The following PHF14 variants were observed in gnomAD, a reference collection of about 807,000 sequenced individuals.
The protein encoded by PHF14 is PHD finger protein 14.
PHF14 carries 55 observed loss-of-function variants against 117.9 expected under a neutral mutation model. The ratio of observed to expected loss-of-function variants is 0.47; its 90% CI spans 0.38 to 0.58. The LOEUF (loss-of-function observed/expected upper bound fraction) is 0.58. Ranked by LOEUF, PHF14 falls within the 20% of genes least tolerant of loss-of-function variation. The pLI is 0.00. For synonymous variants in PHF14, 409 were observed against 368.6 expected, an observed-to-expected ratio of 1.11 and a Z score of -1.26; for missense variants, 978 against 1,122.2, an observed-to-expected ratio of 0.87 and a Z score of 1.84.
Position 11,043,775 on chromosome 7 carries a change from A to T in PHF14, c.2312+961A>T, listed in dbSNP as rs553169204. Among the ~76,000 whole-genome samples, 8 of 152,240 alleles carry T rather than the reference A, an allele frequency of 5.3e-5. No individual in the cohort carries two copies. The South Asian group carries it at 1.0e-3, about 20-fold the overall frequency. On this transcript the variant is annotated intron_variant, in intron 13 of 17. Transcript: ENST00000634607. ...TATTATGGTTTTTATGTGCTTCAGA[A>T]ACTGCTATAGCATATTCAAATCCCA...
In PHF14 at chr7:10,985,150, T is replaced by A. The variant is rs186599750; in HGVS notation, c.900+1991T>A. On this transcript the variant is annotated intron_variant, in intron 3 of 17. Coordinates refer to ENST00000634607, the MANE Select transcript of PHF14 (RefSeq NM_001007157.2). The stretch of plus-strand genomic sequence containing the variant: ...TTGTGATTATTAGTTATATTTCTAG[T>A]TTTCTTATTTGTATGATCTTAATTT... Among the ~76,000 whole-genome samples, 598 of 152,262 alleles carry A rather than the reference T, an allele frequency of 3.9e-3. 5 individuals are homozygous for A. The highest frequency in any genetic ancestry group is 0.014 in the African/African-American group (575 of 41,560).
chr7:11,066,292 C>A (rs541694872), intron 16 of PHF14, among the ~76,000 whole-genome samples: 1 of 152,066 alleles, frequency 6.6e-6, no homozygotes, highest in Non-Finnish European at 1.5e-5. Flanking sequence ...TGTTTGTTTT[C>A]GTTGTCACTC....
intron 14 of PHF14, 181 bp from the exon 15 acceptor site, chr7:11,061,610 C>T: frequency 5.1e-6 from 2 of 395,272 alleles, no homozygotes; most frequent in Non-Finnish European, 9.1e-6. Context: ...TTTTTATTTC[C>T]TATGGCATAA....
chr7:11,137,597 T>A (rs892339863), intron 17 of PHF14, among the ~76,000 whole-genome samples: 3 of 143,328 alleles, frequency 2.1e-5, no homozygotes, highest in African/African-American at 8.0e-5. Context: ...ATTCTTTTTT[T>A]TTTTTTTTTT....
chr7:11,153,948 C>CGT (rs10593375), intron 17 of PHF14, among the ~76,000 whole-genome samples: 4,690 of 149,342 alleles, frequency 0.031, 96 homozygotes, highest in Middle Eastern at 0.093. Flanking sequence ...TCTGTGTGTG[C>CGT]GTGTGTGTGT....
chr7:11,148,699 T>C (rs1053587801), intron 17 of PHF14, among the ~76,000 whole-genome samples: 6 of 152,158 alleles, frequency 3.9e-5, no homozygotes, highest in Non-Finnish European at 5.9e-5. Flanking sequence ...TGACACATAA[T>C]AGACACACAT....
At chr7:11,148,933 T>C (rs1172179696) in intron 17 of PHF14, among the ~76,000 whole-genome samples, 1 of 152,224 alleles carries the variant, frequency 6.6e-6, no homozygotes, top group Non-Finnish European at 1.5e-5. Context: ...TATTGTGTTA[T>C]AAACATTTTA....
chr7:11,023,021 T>G (rs1293412029), intron 6 of PHF14, 42 bp downstream of exon 6: 2 of 1,111,224 alleles, frequency 1.8e-6, no homozygotes, highest in Non-Finnish European at 2.7e-6. Context: ...AGAGAAAGGT[T>G]TTACTTGTTA....
At chr7:11,014,856 C>G (rs540407477) in intron 5 of PHF14, 15 of 151,314 alleles carry the variant, frequency 9.9e-5, no homozygotes, top group African/African-American at 3.4e-4. Flanking sequence ...CATTTGAGCA[C>G]TTGTCATCAT....
At chr7:11,094,969 G>A (rs1159240767) in intron 16 of PHF14, among the ~76,000 whole-genome samples, 2 of 151,462 alleles carry the variant, frequency 1.3e-5, no homozygotes, top group African/African-American at 4.9e-5. Context: ...TCCAGTTGTT[G>A]TTGTTGTTAT....
intron 17 of PHF14, among the ~76,000 whole-genome samples, chr7:11,120,959 T>G (rs1787734851): frequency 6.6e-6 from 1 of 152,118 alleles, no homozygotes; most frequent in South Asian, 2.1e-4. Flanking sequence ...AAAGGCATAT[T>G]TTTTTCTTTG....
intron 17 of PHF14, among the ~76,000 whole-genome samples, chr7:11,144,128 G>C (rs1358368298): frequency 6.6e-6 from 1 of 151,898 alleles, no homozygotes; most frequent in Non-Finnish European, 1.5e-5. Context: ...GCTCAAAATC[G>C]CTAATCATCA....
At chr7:11,122,396 CACAT>C (rs1562476492) in intron 17 of PHF14, among the ~76,000 whole-genome samples, 1 of 123,586 alleles carries the variant, frequency 8.1e-6, no homozygotes, top group Non-Finnish European at 1.7e-5. Context: ...TACATACACA[CACAT>C]ATATATATAC....
intron 4 of PHF14, among the ~76,000 whole-genome samples, chr7:11,013,445 A>G (rs190846004): frequency 3.7e-4 from 57 of 152,344 alleles, no homozygotes; most frequent in African/African-American, 1.3e-3. Flanking sequence ...TACAGGCATG[A>G]GCCACTGCAC....
intron 3 of PHF14, among the ~76,000 whole-genome samples, chr7:10,988,016 C>CCAAAA (rs1554299508): frequency 8.6e-6 from 1 of 115,642 alleles, no homozygotes; most frequent in African/African-American, 3.2e-5. Flanking sequence ...AACTCCTTCT[C>CCAAAA]AAAAAAAAAA....
intron 17 of PHF14, among the ~76,000 whole-genome samples, chr7:11,129,861 A>G (rs757116291): frequency 6.6e-6 from 1 of 152,046 alleles, no homozygotes; most frequent in Admixed American, 6.6e-5. Flanking sequence ...TAGGTAAGGT[A>G]CAGTGGGAAT....
intron 16 of PHF14, among the ~76,000 whole-genome samples, chr7:11,084,955 T>C (rs1322440142): frequency 6.6e-6 from 1 of 152,184 alleles, no homozygotes; most frequent in Admixed American, 6.5e-5. Context: ...ATTACATATC[T>C]TTGTATAAGT....
intron 13 of PHF14, among the ~76,000 whole-genome samples, chr7:11,050,674 ATAT>A (rs1215965454): frequency 2.0e-5 from 3 of 152,188 alleles, no homozygotes; most frequent in African/African-American, 4.8e-5. Flanking sequence ...GATAATCCTA[ATAT>A]TATAAAAAGT....
chr7:11,113,305 T>G (rs567096944), intron 17 of PHF14, among the ~76,000 whole-genome samples: 1 of 152,268 alleles, frequency 6.6e-6, no homozygotes, highest in African/African-American at 2.4e-5. Flanking sequence ...GCATACATTT[T>G]GTACATGCCA....
Sources: allele counts gnomAD v4.1 joint callset (sites outside exome capture counted in the v4.1 genomes callset), GRCh38; gene constraint gnomAD v4.1.1; transcripts MANE v1.5; gene names NCBI Gene and HGNC (gene_info 2026-07-23, HGNC 2026-07-21).